The following ME3 variants were observed in gnomAD, a reference collection of about 807,000 sequenced individuals.
The protein encoded by ME3 is malic enzyme 3.
Under a neutral mutation model 68.9 loss-of-function variants are expected in ME3, and 48 were observed. The ratio of observed to expected loss-of-function variants is 0.70; its 90% confidence interval spans 0.55 to 0.89. The LOEUF (loss-of-function observed/expected upper bound fraction) is 0.89. Ranked by LOEUF, ME3 falls within the 40% of genes least tolerant of loss-of-function variation. The pLI is 0.00. For synonymous variants in ME3, 320 were observed against 318.8 expected (o/e 1.00, Z -0.04); for missense variants, 675 against 797.4 (o/e 0.85, Z 1.85).
In ME3 at chr11:86,590,559, T is replaced by C. The variant is rs377351220; in HGVS notation, c.184-30736A>G. Among the ~76,000 whole-genome samples the C allele has an allele frequency of 8.3e-4, 126 of 152,254 alleles. 2 individuals carry two copies. The South Asian group carries it at 0.025, about 30-fold the overall frequency. On this transcript the variant is annotated intron_variant, in intron 2 of 14. Transcript: ENST00000543262. ...CAGGAGAAGGGAAGTAGGACAGGCATGGAGGCACCAGCCACAGAGCACCTC... is the reference window on the plus strand; with the variant it reads ...CAGGAGAAGGGAAGTAGGACAGGCACGGAGGCACCAGCCACAGAGCACCTC...
chr11:86,576,187 A>G (rs1173523034), intron 2 of ME3, among the ~76,000 whole-genome samples: 3 of 152,214 alleles, frequency 2.0e-5, no homozygotes, highest in East Asian at 3.8e-4. Flanking sequence ...AGATGAGGAC[A>G]TGATTAATTC....
At chr11:86,611,788 T>C (rs1404087077) in intron 2 of ME3, among the ~76,000 whole-genome samples, 1 of 152,100 alleles carries the variant, frequency 6.6e-6, no homozygotes, top group Non-Finnish European at 1.5e-5. Flanking sequence ...AAACCTCAGT[T>C]TTCTCATCTG....
At chr11:86,576,582 G>A (rs193010086) in intron 2 of ME3, among the ~76,000 whole-genome samples, 6 of 152,306 alleles carry the variant, frequency 3.9e-5, no homozygotes, top group Admixed American at 3.9e-4. Flanking sequence ...CTGCAGTACT[G>A]ACTGACTTGT....
At chr11:86,610,072 A>G (rs1398688624) in intron 2 of ME3, among the ~76,000 whole-genome samples, 1 of 152,200 alleles carries the variant, frequency 6.6e-6, no homozygotes, top group South Asian at 2.1e-4. Flanking sequence ...AATGTCTAAC[A>G]TGTTTAAACA....
At chr11:86,439,908 C>G (rs992707256), downstream of ME3, among the ~76,000 whole-genome samples, 4 of 152,194 alleles carry the variant, frequency 2.6e-5, no homozygotes, top group African/African-American at 9.7e-5. Context: ...TCTTCAAACT[C>G]TCTTCTGAAT....
At chr11:86,602,240 G>A (rs11234714) in intron 2 of ME3, among the ~76,000 whole-genome samples, 15,077 of 134,464 alleles carry the variant, frequency 0.11, 1,138 homozygotes, top group East Asian at 0.25. Flanking sequence ...TAAGCTGATA[G>A]GCAACTTCTG....
At chr11:86,538,038 C>T (rs1955803657) in intron 4 of ME3, among the ~76,000 whole-genome samples, 2 of 152,198 alleles carry the variant, frequency 1.3e-5, no homozygotes, top group Non-Finnish European at 2.9e-5. Context: ...AAATCCATTT[C>T]ACCCCATGTC....
chr11:86,441,332 T>C (rs1948985913), exon 15 of ME3: 2 of 1,613,306 alleles, frequency 1.2e-6, no homozygotes, highest in East Asian at 2.2e-5. Context: ...CTGTCCAGTG[T>C]AAAGGAGTCA....
At chr11:86,649,551 A>T (rs747432050) in intron 2 of ME3, among the ~76,000 whole-genome samples, 2 of 152,234 alleles carry the variant, frequency 1.3e-5, no homozygotes, top group Non-Finnish European at 2.9e-5. Flanking sequence ...ACATGATTGT[A>T]TATTTAGAAA....
intron 2 of ME3, among the ~76,000 whole-genome samples, chr11:86,594,145 T>C (rs1959178710): frequency 1.4e-5 from 2 of 147,008 alleles, no homozygotes; most frequent in Admixed American, 7.2e-5. Flanking sequence ...TCAACAGTTT[T>C]AAGTATCTGT....
At chr11:86,669,001 G>C (rs1488374500) in intron 2 of ME3, among the ~76,000 whole-genome samples, 1 of 152,166 alleles carries the variant, frequency 6.6e-6, no homozygotes, top group Non-Finnish European at 1.5e-5. Context: ...TGCTTCCTCA[G>C]TAATAACCTC....
intron 2 of ME3, among the ~76,000 whole-genome samples, chr11:86,576,703 C>G (rs1015846215): frequency 2.1e-5 from 3 of 146,222 alleles, no homozygotes; most frequent in Non-Finnish European, 4.5e-5. Context: ...GTGGGCCCAG[C>G]CTGAAGTCCT....
At chr11:86,626,755 C>G (rs1943689707) in intron 2 of ME3, among the ~76,000 whole-genome samples, 1 of 152,222 alleles carries the variant, frequency 6.6e-6, no homozygotes, top group African/African-American at 2.4e-5. Flanking sequence ...ACCAGTCATA[C>G]AAATAGGCCA....
intron 2 of ME3, among the ~76,000 whole-genome samples, chr11:86,619,099 T>G (rs1283014980): frequency 6.6e-6 from 1 of 152,168 alleles, no homozygotes; most frequent in African/African-American, 2.4e-5. Flanking sequence ...AGCTCCCACT[T>G]TGCCTTCCAC....
chr11:86,489,386 G>A (rs564840205), intron 6 of ME3, among the ~76,000 whole-genome samples: 13 of 152,134 alleles, frequency 8.5e-5, no homozygotes, highest in South Asian at 8.3e-4. Flanking sequence ...ATATATGAAA[G>A]AGCTTGGTGA....
intron 7 of ME3, among the ~76,000 whole-genome samples, chr11:86,481,104 C>A (rs1209365810): frequency 6.6e-6 from 1 of 151,862 alleles, no homozygotes; most frequent in Non-Finnish European, 1.5e-5. Context: ...TGCAGCGATA[C>A]CATCATAGCT....
intron 6 of ME3, among the ~76,000 whole-genome samples, chr11:86,495,411 C>G (rs554382280): frequency 6.6e-6 from 1 of 152,178 alleles, no homozygotes; most frequent in Non-Finnish European, 1.5e-5. Flanking sequence ...CAAAGGATCC[C>G]AATGCACCAG....
At chr11:86,619,653 G>A (rs544547707) in intron 2 of ME3, among the ~76,000 whole-genome samples, 128 of 152,324 alleles carry the variant, frequency 8.4e-4, no homozygotes, top group African/African-American at 3.0e-3. Context: ...CATGTAAGAC[G>A]TGCTTCTACC....
At chr11:86,522,820 A>G (rs573136465) in intron 4 of ME3, among the ~76,000 whole-genome samples, 2 of 152,260 alleles carry the variant, frequency 1.3e-5, no homozygotes, top group South Asian at 4.2e-4. Flanking sequence ...TGTAACAACT[A>G]TTTACGTAGA....
Sources: gnomAD v4.1 joint callset for allele counts (sites outside exome capture counted in the v4.1 genomes callset) on GRCh38, gnomAD v4.1.1 for gene constraint, MANE v1.5 for transcripts, NCBI Gene and HGNC (gene_info 2026-07-23, HGNC 2026-07-21) for gene names.